EPAS1: variants seen among roughly 807,000 people sequenced by gnomAD.
EPAS1 encodes the protein endothelial PAS domain-containing protein 1.
Under a neutral mutation model 87.9 loss-of-function variants are expected in EPAS1, and 23 were observed. The ratio of observed to expected loss-of-function variants is 0.26; its 90% CI spans 0.19 to 0.37. EPAS1 has a LOEUF of 0.37. EPAS1 is among the 10% of genes least tolerant of loss of function. The pLI is 1.00. For missense variants in EPAS1, 1,138 were observed against 1,120.7 expected (o/e 1.02, Z -0.22); for synonymous variants, 508 against 444.3 (o/e 1.14, Z -1.80).
rs770511802 is a variant in EPAS1, at chr2:46,378,640, TCC to T, written c.1444-16_1444-15del. On this transcript the variant is annotated splice_polypyrimidine_tract_variant and intron_variant, in intron 10 of 15. Transcript: ENST00000263734. Reference sequence around the variant, plus strand: ...TGCCATATCTTTGACTCTGTCCCCCTCCTTCCTGGCCCCTAGCCCAATAGCCC... The same window carrying T: ...TGCCATATCTTTGACTCTGTCCCCCTTTCCTGGCCCCTAGCCCAATAGCCC... 3 of 1,609,380 alleles carry T rather than the reference TCC, an allele frequency of 1.9e-6. No individual in the cohort carries two copies. Among genetic ancestry groups the T allele is most frequent in the Non-Finnish European group, 2.6e-6 (3 of 1,175,788 alleles).
Position 46,380,759 on chromosome 2 carries a change from A to C in EPAS1, c.2045+42A>C. 1 of 1,601,066 alleles carries C rather than the reference A, an allele frequency of 6.2e-7. No homozygotes were observed. The highest frequency in any genetic ancestry group is 8.5e-7 in the Non-Finnish European group (1 of 1,179,926). The stretch of plus-strand genomic sequence containing the variant: ...CAGCTGTACCAGCAGGGCCGAACCG[A>C]GAGGCACCCACTAGTAAGATAGCTG... On this transcript the variant is annotated intron_variant, in intron 12 of 15. Transcript: ENST00000263734. This position sits in a 1 kb window ranked among gnomAD's most constrained non-coding sequence, Gnocchi z 4.4.
At chr2:46,328,941 T>C (rs1018874519) in intron 1 of EPAS1, among the ~76,000 whole-genome samples, 1 of 152,210 alleles carries the variant, frequency 6.6e-6, no homozygotes, top group African/African-American at 2.4e-5. Context: ...AAAAAATTAT[T>C]TTTTTCCAAA....
Position 46,385,774 on chromosome 2 carries a change from T to G in EPAS1, c.*1114T>G, listed in dbSNP as rs570446372. 6.6e-6 allele frequency: 1 copy of G among 152,334 alleles called. No homozygotes were observed. Among genetic ancestry groups the G allele is most frequent in the African/African-American group, 2.4e-5 (1 of 41,548 alleles). The allele number at this position is 152,334 out of a possible 1,614,324, so 9.4% of individuals were successfully genotyped here. ...GGGTGGGGCGGGGAAGTGCTCTAAC[T>G]TTTCTTAAGGTTTTGTTGCTAGCCC... On this transcript the variant is annotated 3_prime_UTR_variant, in exon 16 of 16. Coordinates refer to ENST00000263734, the MANE Select transcript of EPAS1 (RefSeq NM_001430.5).
At chr2:46,310,933 G>C (rs1157926127) in intron 1 of EPAS1, among the ~76,000 whole-genome samples, 1 of 152,138 alleles carries the variant, frequency 6.6e-6, no homozygotes, top group Non-Finnish European at 1.5e-5. Context: ...CTGGAGTGCA[G>C]TGGCACGATC....
intron 6 of EPAS1, among the ~76,000 whole-genome samples, chr2:46,365,095 AG>A (rs1238776968): frequency 2.6e-5 from 4 of 152,252 alleles, no homozygotes; most frequent in Non-Finnish European, 4.4e-5. Flanking sequence ...GTAACTGTGA[AG>A]GAAGCCAAGC....
chr2:46,323,471 C>T (rs993470398), intron 1 of EPAS1, among the ~76,000 whole-genome samples: 4 of 152,144 alleles, frequency 2.6e-5, no homozygotes, highest in Non-Finnish European at 4.4e-5. Context: ...TTAGCAAGGC[C>T]CGTGGGCAGT....
intron 1 of EPAS1, among the ~76,000 whole-genome samples, chr2:46,339,826 G>A (rs1469588917): frequency 6.6e-6 from 1 of 152,208 alleles, no homozygotes; most frequent in Non-Finnish European, 1.5e-5. Context: ...CTGGTTCATA[G>A]CTGTGTCTCC....
chr2:46,381,139 G>A (rs944405202), intron 12 of EPAS1: 2 of 350,280 alleles, frequency 5.7e-6, no homozygotes, highest in African/African-American at 4.2e-5. Context: ...TCCCAGCTGT[G>A]CCTAGGCTCC....
intron 14 of EPAS1, 150 bp from the exon 15 acceptor site, chr2:46,382,275 C>G: frequency 8.8e-7 from 1 of 1,142,434 alleles, no homozygotes; most frequent in East Asian, 2.4e-5. Flanking sequence ...TCCACTCTGA[C>G]TTAGATGATG....
At position 46,381,720 on chromosome 2, in the gene EPAS1, G is replaced by C; in HGVS notation, c.2170G>C (p.Gly724Arg). 1 of 1,613,786 alleles carries C rather than the reference G, an allele frequency of 6.2e-7. No homozygotes were observed. The highest frequency in any genetic ancestry group is 8.5e-7 in the Non-Finnish European group (1 of 1,180,022). ...YEEQAFQDLS[G>R]GDPPGGSTSH... ...AGAGCAAGCCTTCCAGGACCTGAGC[G>C]GGGTGAGTCATCCCCACTGGCCACA... The change falls in exon 13 of 16, where the codon GGG becomes CGG. Residue 724 changes from glycine (G) to arginine (R), a missense_variant and splice_region_variant. Around this residue, in one of 4 missense-constraint regions of EPAS1, gnomAD observed 502 missense variants for 427.1 expected, o/e 1.18. Coordinates refer to ENST00000263734, the MANE Select transcript of EPAS1 (RefSeq NM_001430.5).
chr2:46,352,603 A>G (rs989984841), intron 2 of EPAS1, among the ~76,000 whole-genome samples: 1 of 152,116 alleles, frequency 6.6e-6, no homozygotes, highest in Non-Finnish European at 1.5e-5. Flanking sequence ...GTGAGGGGCT[A>G]CCTCCTGGCT....
intron 2 of EPAS1, among the ~76,000 whole-genome samples, chr2:46,351,656 C>G (rs1684147164): frequency 6.6e-6 from 1 of 152,106 alleles, no homozygotes; most frequent in Non-Finnish European, 1.5e-5. Flanking sequence ...GTGGTGGTCA[C>G]AAAGTGGTAA....
At chr2:46,384,423 T>C (rs1684964161) in intron 15 of EPAS1, 86 bp from the exon 16 acceptor site, 1 of 1,581,812 alleles carries the variant, frequency 6.3e-7, no homozygotes, top group Non-Finnish European at 8.7e-7. Flanking sequence ...GGCTGCTCTA[T>C]TGGTATCCCC....
Position 46,380,536 on chromosome 2 carries a change from G to A in EPAS1, c.1864G>A (p.Gly622Ser). 6.2e-7 allele frequency: 1 copy of A among 1,614,134 alleles called. No homozygotes were observed. The highest frequency in any genetic ancestry group is 8.5e-7 in the Non-Finnish European group (1 of 1,180,022). The change falls in exon 12 of 16, where the codon GGC (glycine) becomes AGC (serine). Residue 622 changes from glycine (G) to serine (S), a missense_variant. By Grantham distance (56) the Gly-to-Ser change is moderately conservative. This residue lies in a region of EPAS1 where 502 missense variants were observed against 427.1 expected (regional missense o/e 1.18). Transcript: ENST00000263734. This position sits in a 1 kb window ranked among gnomAD's most constrained non-coding sequence, Gnocchi z 4.4. The part of the protein sequence containing the change: ...GSKASLPPCC[G>S]QASTPLSSMG... Reference sequence around the variant, plus strand: ...CAAAGCATCCCTGCCACCGTGCTGTGGCCAGGCCAGCACCCCTCTCTCTTC... The same window carrying A: ...CAAAGCATCCCTGCCACCGTGCTGTAGCCAGGCCAGCACCCCTCTCTCTTC...
Position 46,386,602 on chromosome 2 carries a change from C to T in EPAS1, c.*1942C>T, listed in dbSNP as rs1413036376. ...GATTTCATGAACGTTATTATATTGT[C>T]GAATTCCTACTGACAACATTATAAC... On this transcript the variant is annotated 3_prime_UTR_variant, in exon 16 of 16. Coordinates refer to ENST00000263734, the MANE Select transcript of EPAS1 (RefSeq NM_001430.5). 2 of 152,608 alleles carry T rather than the reference C, an allele frequency of 1.3e-5. No individual in the cohort carries two copies. The highest frequency in any genetic ancestry group is 4.8e-5 in the African/African-American group (2 of 41,446). 9.5% of individuals were successfully genotyped at this position (152,608 alleles called of 1,614,324 possible). A position where few individuals can be genotyped will look rare whatever the true frequency, so the allele number is the denominator to read the frequency against.
At chr2:46,356,128 G>GGGGGGGGGGGGC in intron 2 of EPAS1, 23 bp from the exon 3 acceptor site, 2 of 1,432,142 alleles carry the variant, frequency 1.4e-6, no homozygotes, top group Non-Finnish European at 1.9e-6. Context: ...CATGCAAGCT[G>GGGGGGGGGGGGC]TCCCACCCCC....
At chr2:46,337,417 T>A (rs1295844563) in intron 1 of EPAS1, among the ~76,000 whole-genome samples, 1 of 151,756 alleles carries the variant, frequency 6.6e-6, no homozygotes, top group Non-Finnish European at 1.5e-5. Context: ...AGGCAGGGAG[T>A]GGGAGGGGCA....
rs1684707616 is a variant in EPAS1 at position 46,375,001 on chromosome 2, G to A, written c.887-689G>A. On this transcript the variant is annotated intron_variant, in intron 7 of 15. Coordinates refer to ENST00000263734, the MANE Select transcript of EPAS1 (RefSeq NM_001430.5). The surrounding 1 kb of genome is among the most constrained non-coding windows in gnomAD (Gnocchi z 4.1). ...CTGTGTGTGGGCTGCCAGGGTCCCA[G>A]CTCTTTCTCAGCCCCAACTGAGAAA... is the stretch of plus-strand genomic sequence containing the variant. 1.3e-5 allele frequency among the ~76,000 whole-genome samples: 2 copies of A among 152,092 alleles called. No individual in the cohort carries two copies. The highest frequency in any genetic ancestry group is 6.5e-5 in the Admixed American group (1 of 15,278).
At chr2:46,376,460 G>A (rs1684749827) in intron 8 of EPAS1, 79 bp from the exon 9 acceptor site, 1 of 1,406,602 alleles carries the variant, frequency 7.1e-7, no homozygotes, top group South Asian at 1.2e-5. Context: ...GCTTAGCTAT[G>A]AGGGTTTCCA....
Sources: allele counts gnomAD v4.1 joint callset (sites outside exome capture counted in the v4.1 genomes callset), GRCh38; gene constraint gnomAD v4.1.1; regional missense constraint gnomAD v4.1.1; non-coding constraint Gnocchi (gnomAD v3.1); transcripts MANE v1.5; gene names NCBI Gene and HGNC (gene_info 2026-07-23, HGNC 2026-07-21).